C10orf67: variants seen among roughly 807,000 people sequenced by gnomAD.
The protein encoded by C10orf67 is uncharacterized protein C10orf67, mitochondrial.
C10orf67 carries 60 observed loss-of-function variants against 35.6 expected under a neutral mutation model. The ratio of observed to expected loss-of-function variants is 1.68; its 90% CI spans 1.37 to 2.09. The LOEUF (loss-of-function observed/expected upper bound fraction) is 2.09. C10orf67 is among the 30% of genes most tolerant of loss of function. The pLI is 0.00. For missense variants in C10orf67, 474 were observed against 330.2 expected (o/e 1.44, Z -3.38); for synonymous variants, 167 against 115.8 (o/e 1.44, Z -2.84).
chr10:23,312,376 C>T (rs1336590224), intron 4 of C10orf67, among the ~76,000 whole-genome samples: 2 of 152,166 alleles, frequency 1.3e-5, no homozygotes, highest in Non-Finnish European at 2.9e-5. Flanking sequence ...CCAGCTGACT[C>T]CTGTGTTCTG....
At chr10:23,334,298 A>G (rs567651418) in intron 1 of C10orf67, among the ~76,000 whole-genome samples, 14 of 152,348 alleles carry the variant, frequency 9.2e-5, no homozygotes, top group African/African-American at 3.4e-4. Context: ...ATTTCTAAGG[A>G]TAGGCATCTC....
At chr10:23,271,241 C>T (rs1364748257) in intron 8 of C10orf67, among the ~76,000 whole-genome samples, 1 of 152,202 alleles carries the variant, frequency 6.6e-6, no homozygotes, top group African/African-American at 2.4e-5. Context: ...AATGTATATG[C>T]ACCCAATACT....
At chr10:23,340,933 T>C (rs1845859530) in intron 1 of C10orf67, among the ~76,000 whole-genome samples, 1 of 152,230 alleles carries the variant, frequency 6.6e-6, no homozygotes, top group Admixed American at 6.5e-5. Flanking sequence ...ATGCAATGAC[T>C]CTTCTCACTG....
chr10:23,315,474 T>C (rs985019301), intron 4 of C10orf67, among the ~76,000 whole-genome samples: 1 of 152,174 alleles, frequency 6.6e-6, no homozygotes, highest in African/African-American at 2.4e-5. Flanking sequence ...GGTCTTGCTC[T>C]ATCACCCAGG....
intron 2 of C10orf67, among the ~76,000 whole-genome samples, chr10:23,330,144 A>G (rs1241218099): frequency 6.6e-6 from 1 of 152,208 alleles, no homozygotes; most frequent in African/African-American, 2.4e-5. Context: ...TTTGTATCAG[A>G]TTTTGGTTCA....
intron 8 of C10orf67, among the ~76,000 whole-genome samples, chr10:23,271,583 T>A (rs1843025278): frequency 6.6e-6 from 1 of 152,220 alleles, no homozygotes; most frequent in Admixed American, 6.5e-5. Flanking sequence ...TGACAACACT[T>A]TATATGGTCG....
At chr10:23,206,955 G>C (rs1453006142) in intron 15 of C10orf67, among the ~76,000 whole-genome samples, 1 of 152,160 alleles carries the variant, frequency 6.6e-6, no homozygotes, top group Non-Finnish European at 1.5e-5. Flanking sequence ...TGGAAAAAAA[G>C]CAGAATCTAT....
At chr10:23,320,964 C>T (rs1844929709) in intron 3 of C10orf67, 149 bp from the exon 4 acceptor site, 2 of 593,700 alleles carry the variant, frequency 3.4e-6, no homozygotes, top group South Asian at 4.7e-5. Flanking sequence ...TCCCACCCTG[C>T]AGCCGTTATG....
At chr10:23,336,544 T>C (rs1564522778) in intron 1 of C10orf67, among the ~76,000 whole-genome samples, 2 of 152,208 alleles carry the variant, frequency 1.3e-5, no homozygotes, top group Non-Finnish European at 2.9e-5. Flanking sequence ...AGACAGAGTC[T>C]TGCTTTGTCA....
intron 13 of C10orf67, among the ~76,000 whole-genome samples, chr10:23,230,744 A>AACATTATAAAC (rs1841884654): frequency 6.6e-6 from 1 of 151,786 alleles, no homozygotes; most frequent in African/African-American, 2.4e-5. Flanking sequence ...AAAAATTATA[A>AACATTATAAAC]ACACACACAT....
chr10:23,268,773 C>A (rs1197782126), intron 8 of C10orf67, among the ~76,000 whole-genome samples: 1 of 152,210 alleles, frequency 6.6e-6, no homozygotes, highest in Admixed American at 6.5e-5. Context: ...GGTTGCACAG[C>A]CCACTACACG....
chr10:23,296,559 G>A (rs959356301), intron 5 of C10orf67, among the ~76,000 whole-genome samples: 19 of 152,186 alleles, frequency 1.2e-4, no homozygotes, highest in African/African-American at 4.3e-4. Context: ...CCCAAGTGCT[G>A]TTGGGGAGGT....
Position 23,344,322 on chromosome 10 carries a change from G to T in C10orf67, c.206+247C>A, listed in dbSNP as rs1846049851. On this transcript the variant is annotated intron_variant, in intron 1 of 15. Transcript: ENST00000636213. The stretch of plus-strand genomic sequence containing the variant: ...GGGAAGAGATGGAAAGGAGGATGGG[G>T]AGGGAGCACGCGCGGGAGGAGGGGA... 3 of 562,622 alleles carry T rather than the reference G, an allele frequency of 5.3e-6. No homozygotes were observed. The East Asian group carries it at 9.2e-5, about 17-fold the overall frequency. 34.9% of individuals were successfully genotyped at this position (562,622 alleles called of 1,614,324 possible). A position where few individuals can be genotyped will look rare whatever the true frequency, so the allele number is the denominator to read the frequency against.
At chr10:23,313,775 C>A (rs929127157) in intron 4 of C10orf67, among the ~76,000 whole-genome samples, 21 of 152,046 alleles carry the variant, frequency 1.4e-4, no homozygotes, top group Non-Finnish European at 1.6e-4. Context: ...AAAGTGAAGA[C>A]ATAAAAGGAC....
intron 15 of C10orf67, among the ~76,000 whole-genome samples, chr10:23,221,431 G>A (rs139535596): frequency 6.6e-6 from 1 of 152,196 alleles, no homozygotes; most frequent in African/African-American, 2.4e-5. Context: ...TCTTTAATAG[G>A]TATTTTTGAA....
chr10:23,209,886 G>A (rs1466571220), intron 15 of C10orf67, among the ~76,000 whole-genome samples: 1 of 151,028 alleles, frequency 6.6e-6, no homozygotes, highest in African/African-American at 2.4e-5. Flanking sequence ...TGTGGTCCCA[G>A]CTGCTCAGGA....
Position 23,270,858 on chromosome 10 carries a change from C to T in C10orf67, c.976-3604G>A, listed in dbSNP as rs530862513. On this transcript the variant is annotated intron_variant, in intron 8 of 15. Transcript: ENST00000636213. ...TGCTTCTTTAAGTGGAACCCTGATC[C>T]AGCTCTCCTCACTGGGTGGGGCCTC... Among the ~76,000 whole-genome samples the T allele has an allele frequency of 1.1e-4, 17 of 152,332 alleles. No homozygotes were observed. The South Asian group carries it at 3.3e-3, about 30-fold the overall frequency.
At chr10:23,229,261 G>T (rs1841837993) in intron 13 of C10orf67, among the ~76,000 whole-genome samples, 1 of 151,830 alleles carries the variant, frequency 6.6e-6, no homozygotes, top group Non-Finnish European at 1.5e-5. Flanking sequence ...GCCATATAAA[G>T]GATGATTTCA....
chr10:23,236,285 T>TAAAAAAAAA (rs1842050928), intron 13 of C10orf67, among the ~76,000 whole-genome samples: 1 of 107,286 alleles, frequency 9.3e-6, no homozygotes, highest in African/African-American at 4.7e-5. Flanking sequence ...AAAAAAAAAT[T>TAAAAAAAAA]AGCCAGGTGT....
Sources: allele counts gnomAD v4.1 joint callset (sites outside exome capture counted in the v4.1 genomes callset), GRCh38; gene constraint gnomAD v4.1.1; transcripts MANE v1.5; gene names NCBI Gene and HGNC (gene_info 2026-07-23, HGNC 2026-07-21).